COL15A1: variants seen among roughly 807,000 people sequenced by gnomAD.
COL15A1 encodes the protein collagen alpha-1(XV) chain.
COL15A1 carries 111 observed loss-of-function variants against 165.9 expected under a neutral mutation model. The observed-to-expected ratio is 0.67, with a 90% CI of 0.57 to 0.78. The LOEUF (loss-of-function observed/expected upper bound fraction) is 0.78, where lower values mean the gene tolerates loss of function less well. Ranked by LOEUF, COL15A1 falls within the 30% of genes least tolerant of loss-of-function variation. The pLI is 0.00. For synonymous variants in COL15A1, 659 were observed against 674.8 expected (o/e 0.98, Z 0.36); for missense variants, 1,745 against 1,789.7 (o/e 0.98, Z 0.45).
In COL15A1 at chr9:98,979,977, C is replaced by T. The variant is rs538678331; in HGVS notation, c.101-5588C>T. 5.3e-5 allele frequency among the ~76,000 whole-genome samples: 8 copies of T among 152,082 alleles called. No homozygotes were observed. The South Asian group carries it at 8.3e-4, about 16-fold the overall frequency. ...CTCGAGACCAACGTAGGCAATATAG[C>T]GAGACCCTGTCTCTACAAAAAAATG... On this transcript the variant is annotated intron_variant, in intron 2 of 41. Transcript: ENST00000375001.
intron 39 of COL15A1, among the ~76,000 whole-genome samples, chr9:99,065,755 G>A (rs897683732): frequency 4.0e-5 from 6 of 150,730 alleles, no homozygotes; most frequent in Non-Finnish European, 8.9e-5. Context: ...GTCCTCTGCA[G>A]GAAGGAAAGG....
intron 5 of COL15A1, among the ~76,000 whole-genome samples, 198 bp from the exon 6 acceptor site, chr9:98,996,736 A>C (rs1228296436): frequency 6.6e-6 from 1 of 152,204 alleles, no homozygotes; most frequent in Admixed American, 6.5e-5. Flanking sequence ...AACAGAATCT[A>C]ATGACCTCTA....
Position 99,024,268 on chromosome 9 carries a change from G to GTTTTTTTTTTTTTTTTTTT in COL15A1, c.1855-598_1855-597insTTTTTTTTTTTTTTTTTTT, listed in dbSNP as rs201734908. On this transcript the variant is annotated intron_variant, in intron 14 of 41. Transcript: ENST00000375001. ...TAAAAACAAGGCTACACCACAAGCAGTTTTTTTTGTTTTTTTGTTTTTTTT... is the reference window on the plus strand; with the variant it reads ...TAAAAACAAGGCTACACCACAAGCAGTTTTTTTTTTTTTTTTTTTTTTTTTTTGTTTTTTTGTTTTTTTT... 4.9e-3 allele frequency among the ~76,000 whole-genome samples: 648 copies of GTTTTTTTTTTTTTTTTTTT among 131,284 alleles called. 33 individuals carry two copies. The highest frequency in any genetic ancestry group is 7.7e-3 in the Middle Eastern group (2 of 260). 86.1% of individuals were successfully genotyped at this position (131,284 alleles called of 152,430 possible). A position where few individuals can be genotyped will look rare whatever the true frequency, so the allele number is the denominator to read the frequency against.
At chr9:98,987,661 A>T (rs2075665) in intron 4 of COL15A1, among the ~76,000 whole-genome samples, 65,553 of 152,134 alleles carry the variant, frequency 0.43, 14,448 homozygotes, top group African/African-American at 0.53. Context: ...TTCTAAAATC[A>T]AAGTTAAAAC....
chr9:99,006,350 A>G (rs1318604569), intron 9 of COL15A1, among the ~76,000 whole-genome samples: 2 of 152,230 alleles, frequency 1.3e-5, no homozygotes, highest in African/African-American at 2.4e-5. Context: ...TTCCTGACCA[A>G]TGATAGGCAC....
In COL15A1 at chr9:99,034,586, T is replaced by TA. The variant is rs60290557; in HGVS notation, c.2079+30dup. ...CCTAATGGCTCAGTTGGTGAAAAGG[T>TA]AAAAAAAAAAAAAAAAAAAAAAAAA... is the stretch of plus-strand genomic sequence containing the variant. On this transcript the variant is annotated splice_region_variant and intron_variant, in intron 17 of 41. Transcript: ENST00000375001. 22,323 of 1,071,708 alleles carry TA rather than the reference T, an allele frequency of 0.021. 134 individuals are homozygous for TA. The highest frequency in any genetic ancestry group is 0.027 in the African/African-American group (1,006 of 37,382). The allele number at this position is 1,071,708 out of a possible 1,614,324, so 66.4% of individuals were successfully genotyped here. A position where few individuals can be genotyped will look rare whatever the true frequency, so the allele number is the denominator to read the frequency against.
At chr9:99,049,338 G>A (rs1839545369) in intron 28 of COL15A1, among the ~76,000 whole-genome samples, 1 of 152,330 alleles carries the variant, frequency 6.6e-6, no homozygotes, top group East Asian at 1.9e-4. Flanking sequence ...GCACTGATAG[G>A]GGAGCCTTAG....
chr9:99,049,739 C>T lies in COL15A1; in HGVS notation c.2843C>T (p.Ala948Val), dbSNP rs373996019. The change falls in exon 29 of 42, where the codon GCT becomes GTT. Residue 948 changes from alanine (A) to valine (V), a missense_variant. Transcript: ENST00000375001. ...GPPGPPGPPG[A>V]VINIKGAIFP... is the part of the protein sequence containing the mutation. The stretch of plus-strand genomic sequence containing the variant: ...CCAGGCCCCCCTGGGCCACCTGGAG[C>T]TGTGATTAACATCAAAGGAGTAAGT... 5.6e-6 allele frequency: 9 copies of T among 1,614,076 alleles called. No homozygotes were observed. The highest frequency in any genetic ancestry group is 4.0e-5 in the African/African-American group (3 of 74,948).
rs1295379069 is a variant in COL15A1, at chr9:99,003,442, T to C, written c.1066-11T>C. On this transcript the variant is annotated splice_polypyrimidine_tract_variant and intron_variant, in intron 7 of 41. Coordinates refer to ENST00000375001, the MANE Select transcript of COL15A1 (RefSeq NM_001855.5). ...CAGAGACATGGTCTCTTGTGATGCC[T>C]TTGTTTTCAGAATTTAGCAGCAACA... 2.7e-6 allele frequency: 4 copies of C among 1,485,008 alleles called. No individual in the cohort carries two copies. Among genetic ancestry groups the C allele is most frequent in the Non-Finnish European group, 2.7e-6 (3 of 1,111,746 alleles). 92.0% of individuals were successfully genotyped at this position (1,485,008 alleles called of 1,614,324 possible). A position where few individuals can be genotyped will look rare whatever the true frequency, so the allele number is the denominator to read the frequency against.
intron 41 of COL15A1, among the ~76,000 whole-genome samples, chr9:99,069,295 A>G (rs976003611): frequency 1.3e-5 from 2 of 151,886 alleles, no homozygotes; most frequent in Non-Finnish European, 2.9e-5. Flanking sequence ...TATACAGGAT[A>G]TGTTTGTTTT....
At chr9:99,056,178 A>T in intron 34 of COL15A1, 82 bp from the exon 35 acceptor site, 1 of 1,372,590 alleles carries the variant, frequency 7.3e-7, no homozygotes, top group Non-Finnish European at 1.0e-6. Context: ...GATTTCTTTT[A>T]AATATTCTCA....
chr9:98,996,710 G>T (rs909101857), intron 5 of COL15A1, among the ~76,000 whole-genome samples: 9 of 152,172 alleles, frequency 5.9e-5, no homozygotes, highest in African/African-American at 2.2e-4. Flanking sequence ...GAGATGAATA[G>T]TCTCACTGTC....
chr9:99,066,775 G>A (rs1207419705), intron 39 of COL15A1, 107 bp from the exon 40 acceptor site: 3 of 974,692 alleles, frequency 3.1e-6, no homozygotes, highest in Non-Finnish European at 4.6e-6. Context: ...CCTCCAACGT[G>A]CCTTCCAGCC....
Position 99,056,296 on chromosome 9 carries a change from C to A in COL15A1, c.3229C>A (p.Pro1077Thr). 1 of 1,614,080 alleles carries A rather than the reference C, an allele frequency of 6.2e-7. No individual in the cohort carries two copies. Among genetic ancestry groups the A allele is most frequent in the Non-Finnish European group, 8.5e-7 (1 of 1,179,968 alleles). ...GGAGACAGTCGTTGGGCCCCAAGGA[C>A]CCCCAGGTGCTCCTGGTCTGCCTGG... Reference protein sequence around the residue: ...KGETVVGPQGPPGAPGLPGPP... With the variant: ...KGETVVGPQGTPGAPGLPGPP... The change falls in exon 35 of 42, where the codon CCC (proline) becomes ACC (threonine). Residue 1077 changes from proline (P) to threonine (T), a missense_variant. Physicochemically the swap from Pro to Thr is conservative, Grantham distance 38. Coordinates refer to ENST00000375001, the MANE Select transcript of COL15A1 (RefSeq NM_001855.5).
Position 99,047,808 on chromosome 9 carries a change from A to G in COL15A1, c.2702A>G (p.His901Arg), listed in dbSNP as rs779558022. Residue 901 changes from histidine to arginine, a missense_variant, in exon 27 of 42, where the codon CAT becomes CGT. Physicochemically the swap from His to Arg is conservative, Grantham distance 29. Coordinates refer to ENST00000375001, the MANE Select transcript of COL15A1 (RefSeq NM_001855.5). ...TAGGGGCCCAAAGGACCACCAGGAC[A>G]TAAAGGAGAATTTGGCCTTCCCGGG... ...GPMGPKGPPG[H>R]KGEFGLPGRP... is the part of the protein sequence containing the mutation. 8.7e-6 allele frequency: 14 copies of G among 1,613,938 alleles called. No homozygotes were observed. The South Asian group carries it at 1.2e-4, about 14-fold the overall frequency.
At chr9:99,048,547 T>G (rs1273494027) in intron 28 of COL15A1, among the ~76,000 whole-genome samples, 3 of 150,528 alleles carry the variant, frequency 2.0e-5, no homozygotes, top group African/African-American at 2.5e-5. Flanking sequence ...TTGTTTTGTT[T>G]TATTATTATT....
In COL15A1 at chr9:98,985,694, G is replaced by T; in HGVS notation, c.230G>T (p.Arg77Leu). 1 of 1,614,198 alleles carries T rather than the reference G, an allele frequency of 6.2e-7. No homozygotes were observed. Residue 77 changes from arginine (R) to leucine (L), a missense_variant, in exon 3 of 42, where the codon CGC becomes CTC. Transcript: ENST00000375001. ...TTCGGGCCTGGTGCCAATGTTGGCC[G>T]CCCAGCCAGGACTCTCATCCCATCC... ...YSFGPGANVGRPARTLIPSTF... is the reference protein window; with the variant it reads ...YSFGPGANVGLPARTLIPSTF...
At chr9:98,947,567 A>C (rs1014439150) in intron 2 of COL15A1, among the ~76,000 whole-genome samples, 3 of 152,202 alleles carry the variant, frequency 2.0e-5, no homozygotes, top group African/African-American at 7.2e-5. Context: ...ATTTTCCCAG[A>C]GCATCTAGGC....
chr9:99,015,396 C>T (rs1463860821), intron 9 of COL15A1, 21 bp from the exon 10 acceptor site: 1 of 1,593,520 alleles, frequency 6.3e-7, no homozygotes, highest in East Asian at 2.2e-5. Context: ...GGCACAGCTC[C>T]TCATGCCAAT....
Sources: gnomAD v4.1 joint callset for allele counts (sites outside exome capture counted in the v4.1 genomes callset) on GRCh38, gnomAD v4.1.1 for gene constraint, MANE v1.5 for transcripts, NCBI Gene and HGNC (gene_info 2026-07-23, HGNC 2026-07-21) for gene names.